Variants in NCOR1 observed in about 807,000 individuals in gnomAD.
The protein encoded by NCOR1 is nuclear receptor corepressor 1.
NCOR1 carries 63 observed loss-of-function variants against 288.1 expected under a neutral mutation model. That is an observed-to-expected ratio of 0.22 (90% confidence interval 0.18 to 0.27). The LOEUF (loss-of-function observed/expected upper bound fraction) is 0.27. Among genes scored for constraint, NCOR1 ranks in the 10% least tolerant of loss-of-function variants. NCOR1 has a pLI of 1.00. For missense variants in NCOR1, 2,397 were observed against 3,019.2 expected (o/e 0.79, Z 4.83); for synonymous variants, 1,007 against 1,065.9 (o/e 0.94, Z 1.08).
intron 3 of NCOR1, among the ~76,000 whole-genome samples, chr17:16,177,507 T>G (rs576027821): frequency 2.6e-5 from 4 of 152,340 alleles, no homozygotes; most frequent in South Asian, 4.1e-4. Context: ...TGGGTTCTCC[T>G]TGATTGTTCC....
chr17:16,145,775 C>T (rs573007022), intron 10 of NCOR1, among the ~76,000 whole-genome samples: 1 of 152,156 alleles, frequency 6.6e-6, no homozygotes, highest in African/African-American at 2.4e-5. Context: ...TCCACCTGGC[C>T]GCTGCCCCGT....
intron 1 of NCOR1, among the ~76,000 whole-genome samples, chr17:16,210,501 T>G (rs1456541033): frequency 6.6e-6 from 1 of 152,222 alleles, no homozygotes; most frequent in African/African-American, 2.4e-5. Context: ...GAAGTGTCAC[T>G]GGACCCAGAT....
intron 14 of NCOR1, among the ~76,000 whole-genome samples, chr17:16,134,176 A>G (rs2076060880): frequency 6.6e-6 from 1 of 152,144 alleles, no homozygotes; most frequent in African/African-American, 2.4e-5. Context: ...AACACCACCT[A>G]ATTTCTGAAA....
At chr17:16,191,801 A>G (rs1210914474) in intron 2 of NCOR1, 3 of 152,164 alleles carry the variant, frequency 2.0e-5, no homozygotes, top group Non-Finnish European at 4.4e-5. Flanking sequence ...AATGCCAGGG[A>G]CAATAATGTA....
chr17:16,210,871 A>C (rs178799), intron 1 of NCOR1, among the ~76,000 whole-genome samples: 1 of 151,768 alleles, frequency 6.6e-6, no homozygotes, highest in African/African-American at 2.4e-5. Flanking sequence ...CTGGCACTAC[A>C]GGTGCGTGCC....
At chr17:16,138,796 A>G (rs1166003544) in intron 12 of NCOR1, among the ~76,000 whole-genome samples, 2 of 152,316 alleles carry the variant, frequency 1.3e-5, no homozygotes, top group South Asian at 2.1e-4. Flanking sequence ...CACTCTTAAC[A>G]TGACTCCATA....
At chr17:16,074,575 G>T (rs185890590) in intron 27 of NCOR1, among the ~76,000 whole-genome samples, 1 of 152,254 alleles carries the variant, frequency 6.6e-6, no homozygotes, top group Admixed American at 6.5e-5. Context: ...ATGCTATCAA[G>T]CATTTTGCAG....
rs1457686486 is a variant in NCOR1 at position 16,215,389 on chromosome 17, C to A, written c.-98G>T. On this transcript the variant is annotated 5_prime_UTR_variant, in exon 1 of 46. Coordinates refer to ENST00000268712, the MANE Select transcript of NCOR1 (RefSeq NM_006311.4). ...GGAGCTGGCTAAGCGTGGGAGCCGA[C>A]GTGCGCCCCGGCCTGAGGAGTGGGA... 1 of 395,382 alleles carries A rather than the reference C, an allele frequency of 2.5e-6. No individual in the cohort carries two copies. The allele number at this position is 395,382 out of a possible 1,614,324, so 24.5% of individuals were successfully genotyped here.
At chr17:16,070,629 CTTT>C in intron 30 of NCOR1, 104 bp from the exon 31 acceptor site, 1 of 1,453,564 alleles carries the variant, frequency 6.9e-7, no homozygotes, top group Non-Finnish European at 9.3e-7. Context: ...CTGTGGTGAT[CTTT>C]TTTGGTCTGT....
At chr17:16,056,383 G>A (rs2059929933) in intron 40 of NCOR1, among the ~76,000 whole-genome samples, 1 of 147,102 alleles carries the variant, frequency 6.8e-6, no homozygotes, top group African/African-American at 2.6e-5. Flanking sequence ...CATGATCTCG[G>A]GTTCAAGTGA....
At chr17:16,190,190 A>T (rs1260123061) in intron 2 of NCOR1, among the ~76,000 whole-genome samples, 1 of 152,258 alleles carries the variant, frequency 6.6e-6, no homozygotes, top group East Asian at 1.9e-4. Flanking sequence ...TGACTGCGTC[A>T]CTGCATTTCA....
intron 5 of NCOR1, among the ~76,000 whole-genome samples, chr17:16,164,424 C>T (rs2081577929): frequency 6.6e-6 from 1 of 152,026 alleles, no homozygotes; most frequent in Non-Finnish European, 1.5e-5. Flanking sequence ...AACGCTTGAA[C>T]AATGCACATA....
intron 42 of NCOR1, among the ~76,000 whole-genome samples, chr17:16,041,887 C>T (rs376405133): frequency 6.6e-6 from 1 of 152,172 alleles, no homozygotes; most frequent in Non-Finnish European, 1.5e-5. Flanking sequence ...CAGGCGCCCG[C>T]CACTATGCCT....
At chr17:16,177,896 T>G (rs1019197188) in intron 3 of NCOR1, among the ~76,000 whole-genome samples, 1 of 152,224 alleles carries the variant, frequency 6.6e-6, no homozygotes, top group African/African-American at 2.4e-5. Context: ...ATACTGCTTT[T>G]TTTTAATTTT....
At position 16,061,633 on chromosome 17, in the gene NCOR1, A is replaced by C; in HGVS notation, c.5649T>G (p.Thr1883=). The change falls in exon 37 of 46, where the codon ACT becomes ACG. Residue 1883 remains threonine, a synonymous_variant. Coordinates refer to ENST00000268712, the MANE Select transcript of NCOR1 (RefSeq NM_006311.4). ...VEKRSVQCLY[T]SSAFPSGKPQ... ...GCTTGCCACTTGGAAAGGCTGAAGA[A>C]GTGTATAAACACTGAACAGATCTCT... The C allele has an allele frequency of 6.2e-7, 1 of 1,614,236 alleles. No individual in the cohort carries two copies. The highest frequency in any genetic ancestry group is 8.5e-7 in the Non-Finnish European group (1 of 1,180,048).
Position 16,032,340 on chromosome 17 carries a change from G to T in NCOR1, c.7279C>A (p.Leu2427Met). 6.2e-7 allele frequency: 1 copy of T among 1,614,184 alleles called. No homozygotes were observed. Residue 2427 changes from leucine (L) to methionine (M), a missense_variant, in exon 46 of 46, where the codon CTG (leucine) becomes ATG (methionine). This residue lies in a region of NCOR1 where 1,872 missense variants were observed against 2,187.8 expected (regional missense o/e 0.86). Transcript: ENST00000268712. ...NRIWEREPAP[L>M]LSAQYETLSD... ...AGGGTCTCGTACTGTGCTGAGAGCAGTGGGGCAGGCTCTCGCTCCCAGATC... is the reference window on the plus strand; with the variant it reads ...AGGGTCTCGTACTGTGCTGAGAGCATTGGGGCAGGCTCTCGCTCCCAGATC...
chr17:16,201,104 C>G (rs144899851), intron 1 of NCOR1, among the ~76,000 whole-genome samples: 7 of 152,194 alleles, frequency 4.6e-5, no homozygotes, highest in African/African-American at 1.7e-4. Flanking sequence ...AAGATCCAAT[C>G]TGGGAGAATG....
At chr17:16,082,523 C>T (rs1450052999) in intron 23 of NCOR1, among the ~76,000 whole-genome samples, 2 of 151,846 alleles carry the variant, frequency 1.3e-5, no homozygotes, top group Non-Finnish European at 2.9e-5. Context: ...TGAGACCAGC[C>T]TTAACAAGAT....
chr17:16,088,172 CATT>C (rs1166266116), intron 22 of NCOR1, among the ~76,000 whole-genome samples: 1 of 152,074 alleles, frequency 6.6e-6, no homozygotes, highest in East Asian at 1.9e-4. Context: ...AATTTAAAAT[CATT>C]GAGTACTTCC....
Sources: gnomAD v4.1 joint callset for allele counts (sites outside exome capture counted in the v4.1 genomes callset) on GRCh38, gnomAD v4.1.1 for gene constraint, gnomAD v4.1.1 regional missense constraint, MANE v1.5 for transcripts, NCBI Gene and HGNC (gene_info 2026-07-23, HGNC 2026-07-21) for gene names.